OSTM1: variants seen among roughly 807,000 people sequenced by gnomAD.
OSTM1 encodes osteoclastogenesis associated transmembrane protein 1.
OSTM1 carries 26 observed loss-of-function variants against 35.4 expected under a neutral mutation model. The ratio of observed to expected loss-of-function variants is 0.73; its 90% CI spans 0.54 to 1.02. The LOEUF is 1.02. OSTM1 is among the 50% of genes least tolerant of loss of function. The pLI is 0.00. For synonymous variants in OSTM1, 181 were observed against 165.0 expected (o/e 1.10, Z -0.75); for missense variants, 366 against 409.6 (o/e 0.89, Z 0.92).
At chr6:108,067,467 C>T (rs1022191875) in intron 1 of OSTM1, among the ~76,000 whole-genome samples, 3 of 152,246 alleles carry the variant, frequency 2.0e-5, no homozygotes, top group African/African-American at 7.2e-5. Flanking sequence ...ATGTCCAGCT[C>T]TCTCCCATCT....
At chr6:108,062,247 C>T (rs538311705) in intron 2 of OSTM1, among the ~76,000 whole-genome samples, 5 of 152,144 alleles carry the variant, frequency 3.3e-5, no homozygotes, top group South Asian at 2.1e-4. Flanking sequence ...ACCTTATAAC[C>T]AAGATGCTCC....
intron 5 of OSTM1, 46 bp from the exon 6 acceptor site, chr6:108,044,886 A>G: frequency 1.0e-6 from 1 of 961,338 alleles, no homozygotes; most frequent in East Asian, 2.7e-5. Context: ...TTTAATTATC[A>G]AACATGATTA....
At chr6:108,047,985 G>T (rs2114589856) in intron 5 of OSTM1, among the ~76,000 whole-genome samples, 1 of 152,290 alleles carries the variant, frequency 6.6e-6, no homozygotes, top group South Asian at 2.1e-4. Flanking sequence ...ATTATTCTAA[G>T]TAAGTGCTTT....
intron 1 of OSTM1, among the ~76,000 whole-genome samples, chr6:108,065,021 G>A (rs1301746103): frequency 6.6e-6 from 1 of 152,064 alleles, no homozygotes; most frequent in African/African-American, 2.4e-5. Flanking sequence ...ACCACACCCA[G>A]CTAATTTTTG....
At chr6:108,071,187 C>CAAAAAAAAA (rs540297028) in intron 1 of OSTM1, among the ~76,000 whole-genome samples, 1 of 141,860 alleles carries the variant, frequency 7.0e-6, no homozygotes. Flanking sequence ...GACTCTGTCT[C>CAAAAAAAAA]AAAAAAAAAA....
At position 108,054,472 on chromosome 6, in the gene OSTM1, A is replaced by G. The variant is rs2114596731; in HGVS notation, c.615+18T>C. 1 of 1,164,442 alleles carries G rather than the reference A, an allele frequency of 8.6e-7. No individual in the cohort carries two copies. The highest frequency in any genetic ancestry group is 1.3e-6 in the Non-Finnish European group (1 of 790,174). 72.1% of individuals were successfully genotyped at this position (1,164,442 alleles called of 1,614,324 possible). Reference sequence around the variant, plus strand: ...GTACAAGGCAGCATTTTAATTTTAAATATTATATATAAAATACCTGAAGGT... The same window carrying G: ...GTACAAGGCAGCATTTTAATTTTAAGTATTATATATAAAATACCTGAAGGT... On this transcript the variant is annotated intron_variant, in intron 3 of 5. Transcript: ENST00000193322.
intron 2 of OSTM1, among the ~76,000 whole-genome samples, chr6:108,055,394 G>A (rs1431399103): frequency 6.6e-5 from 10 of 151,832 alleles, no homozygotes; most frequent in African/African-American, 2.4e-4. Context: ...CCAGCTCATT[G>A]CAGACTTGAA....
At chr6:108,067,822 T>C (rs1772405580) in intron 1 of OSTM1, among the ~76,000 whole-genome samples, 2 of 102,072 alleles carry the variant, frequency 2.0e-5, no homozygotes, top group Admixed American at 1.3e-4. Flanking sequence ...AGAGCGAGCC[T>C]CTGTCTAAAA....
Position 108,074,260 on chromosome 6 carries a change from C to T in OSTM1, c.392G>A (p.Arg131Gln), listed in dbSNP as rs927664441. The T allele has an allele frequency of 3.1e-6, 5 of 1,612,258 alleles. No individual in the cohort carries two copies. The East Asian group carries it at 6.7e-5, about 22-fold the overall frequency. ...QVVSKMDNIS[R>Q]AAGNTSESQS... ...TGGTCCTGTACCCACCCCCGCGGCTCGGCTGATGTTGTCCATCTTGCTGAC... is the reference window on the plus strand; with the variant it reads ...TGGTCCTGTACCCACCCCCGCGGCTTGGCTGATGTTGTCCATCTTGCTGAC... The change falls in exon 1 of 6, where the codon CGA becomes CAA. Residue 131 changes from arginine (R) to glutamine (Q), a missense_variant. Coordinates refer to ENST00000193322, the MANE Select transcript of OSTM1 (RefSeq NM_014028.4).
intron 4 of OSTM1, chr6:108,049,629 A>G: frequency 8.2e-7 from 1 of 1,214,000 alleles, no homozygotes; most frequent in Non-Finnish European, 1.1e-6. Context: ...CCATACAGAA[A>G]TTTCATATTC....
At position 108,074,741 on chromosome 6, in the gene OSTM1, C is replaced by T; in HGVS notation, c.-90G>A. On this transcript the variant is annotated 5_prime_UTR_variant, in exon 1 of 6. Coordinates refer to ENST00000193322, the MANE Select transcript of OSTM1 (RefSeq NM_014028.4). ...AGCCGCCGCTTCCGGTTTCCGCGAGCGCAGGCCGAGAGCCGGGTCACGAGG... is the reference window on the plus strand; with the variant it reads ...AGCCGCCGCTTCCGGTTTCCGCGAGTGCAGGCCGAGAGCCGGGTCACGAGG... The T allele has an allele frequency of 2.2e-6, 3 of 1,368,826 alleles. No individual in the cohort carries two copies. The highest frequency in any genetic ancestry group is 2.8e-6 in the Non-Finnish European group (3 of 1,054,954). 84.8% of individuals were successfully genotyped at this position (1,368,826 alleles called of 1,614,324 possible). A position where few individuals can be genotyped will look rare whatever the true frequency, so the allele number is the denominator to read the frequency against.
chr6:108,063,351 A>G (rs944817331), intron 2 of OSTM1, among the ~76,000 whole-genome samples: 15 of 152,290 alleles, frequency 9.8e-5, no homozygotes, highest in African/African-American at 3.4e-4. Flanking sequence ...CCAATAGTAC[A>G]GGCCTAGGTT....
intron 1 of OSTM1, among the ~76,000 whole-genome samples, 187 bp from the exon 2 acceptor site, chr6:108,064,486 C>T (rs9386705): frequency 0.044 from 6,654 of 152,234 alleles, 438 homozygotes; most frequent in Admixed American, 0.19. Flanking sequence ...TTTATTGGTA[C>T]TAGGTTCACT....
intron 1 of OSTM1, among the ~76,000 whole-genome samples, chr6:108,067,850 A>AAAAAAT (rs1772407054): frequency 1.3e-5 from 2 of 151,262 alleles, no homozygotes; most frequent in East Asian, 1.9e-4. Context: ...AAAAAAAAAA[A>AAAAAAT]ATAGAGAAAG....
chr6:108,060,964 T>C (rs1307191743), intron 2 of OSTM1: 4 of 152,186 alleles, frequency 2.6e-5, no homozygotes, highest in Admixed American at 6.5e-5. Context: ...TGAATCCCAG[T>C]ATATATCCAC....
Position 108,043,198 on chromosome 6 carries a change from G to T in OSTM1, c.*1587C>A, listed in dbSNP as rs968343183. On this transcript the variant is annotated 3_prime_UTR_variant, in exon 6 of 6. Coordinates refer to ENST00000193322, the MANE Select transcript of OSTM1 (RefSeq NM_014028.4). ...CTGCACATGTAAACTTGTTTTATCT[G>T]CATTAATGAAGATTGCTTCAAATGG... 12 of 152,168 alleles carry T rather than the reference G, an allele frequency of 7.9e-5. No individual in the cohort carries two copies. Among genetic ancestry groups the T allele is most frequent in the Admixed American group, 5.2e-4 (8 of 15,274 alleles). The allele number at this position is 152,168 out of a possible 1,614,324, so 9.4% of individuals were successfully genotyped here.
intron 1 of OSTM1, among the ~76,000 whole-genome samples, chr6:108,067,448 C>T (rs1376590673): frequency 6.6e-6 from 1 of 152,144 alleles, no homozygotes; most frequent in Non-Finnish European, 1.5e-5. Context: ...TTACTATCAA[C>T]ATTTAAACAT....
intron 1 of OSTM1, 46 bp from the exon 2 acceptor site, chr6:108,064,345 A>G (rs1426332219): frequency 9.3e-6 from 10 of 1,077,178 alleles, no homozygotes; most frequent in Non-Finnish European, 1.1e-5. Context: ...GTATTTTCAG[A>G]CTTTGCAAAC....
chr6:108,064,408 TTTTG>T (rs1270701918), intron 1 of OSTM1, 109 bp from the exon 2 acceptor site: 13 of 705,294 alleles, frequency 1.8e-5, no homozygotes, highest in African/African-American at 3.5e-5. Flanking sequence ...CTTTTTAACA[TTTTG>T]TTTGATATGA....
Sources: allele counts gnomAD v4.1 joint callset (sites outside exome capture counted in the v4.1 genomes callset), GRCh38; gene constraint gnomAD v4.1.1; transcripts MANE v1.5; gene names NCBI Gene and HGNC (gene_info 2026-07-23, HGNC 2026-07-21).